PER2: variants seen among roughly 807,000 people sequenced by gnomAD.
The protein encoded by PER2 is period circadian protein homolog 2.
Under a neutral mutation model 121.0 loss-of-function variants are expected in PER2, and 66 were observed. The ratio of observed to expected loss-of-function variants is 0.55; its 90% CI spans 0.45 to 0.67. The LOEUF is 0.67. Among genes scored for constraint, PER2 ranks in the 30% least tolerant of loss-of-function variants. The pLI is 0.00. For missense variants in PER2, 1,521 were observed against 1,635.0 expected (o/e 0.93, Z 1.20); for synonymous variants, 684 against 659.9 (o/e 1.04, Z -0.56).
At chr2:238,262,583 AG>A (rs1695968505) in intron 10 of PER2, among the ~76,000 whole-genome samples, 1 of 152,094 alleles carries the variant, frequency 6.6e-6, no homozygotes, top group African/African-American at 2.4e-5. Context: ...TGCATCTATG[AG>A]GGCTGGGCTT....
At chr2:238,254,110 T>C in intron 18 of PER2, 2 of 258,266 alleles carry the variant, frequency 7.7e-6, no homozygotes, top group South Asian at 4.4e-5. Context: ...GCCACTGACC[T>C]CCTCTATTTT....
At chr2:238,274,667 A>AG (rs1301523173) in intron 4 of PER2, among the ~76,000 whole-genome samples, 1 of 152,168 alleles carries the variant, frequency 6.6e-6, no homozygotes, top group Non-Finnish European at 1.5e-5. Flanking sequence ...CTTCCGGAAA[A>AG]GGGGGCCTCC....
the PER2 span, among the ~76,000 whole-genome samples, chr2:238,296,083 T>TGTGACCACGGACACGGGCAGA: frequency 7.0e-5 from 4 of 57,176 alleles, no homozygotes. Flanking sequence ...TCGTGTGCCC[T>TGTGACCACGGACACGGGCAGA]CCTGCTGCAG....
intron 12 of PER2, chr2:238,261,371 A>G: frequency 2.5e-6 from 1 of 394,312 alleles, no homozygotes; most frequent in Non-Finnish European, 4.7e-6. Flanking sequence ...CCTTGAGTAC[A>G]ATGTCCCTCC....
At chr2:238,249,262 T>G in intron 21 of PER2, 50 bp from the exon 22 acceptor site, 1 of 1,537,334 alleles carries the variant, frequency 6.5e-7, no homozygotes, top group Non-Finnish European at 8.9e-7. Context: ...CTTAAGGGTA[T>G]CTATTTTTAT....
rs114274327 is a variant in PER2, at chr2:238,265,075, G to C, written c.1046+437C>G. 5.5e-3 allele frequency among the ~76,000 whole-genome samples: 832 copies of C among 152,298 alleles called. 12 individuals carry two copies. The highest frequency in any genetic ancestry group is 0.019 in the African/African-American group (788 of 41,558). ...GTTCGCACCTGCTACAGCACCCTGA[G>C]GGGGAGACCCAGAGAGAGGGACCCA... On this transcript the variant is annotated intron_variant, in intron 9 of 22. Transcript: ENST00000254657.
Position 238,253,305 on chromosome 2 carries a change from GAATGCCATGACAGGCGCC to G in PER2, c.2700_2717del (p.Leu900_Ala905del). The G allele has an allele frequency of 4.3e-6, 7 of 1,613,640 alleles. No individual in the cohort carries two copies. Among genetic ancestry groups the G allele is most frequent in the Non-Finnish European group, 5.9e-6 (7 of 1,179,744 alleles). On this transcript the variant is annotated inframe_deletion, in exon 19 of 23. Coordinates refer to ENST00000254657, the MANE Select transcript of PER2 (RefSeq NM_022817.3). The surrounding 1 kb of genome is among the most constrained non-coding windows in gnomAD (Gnocchi z 5.6). The stretch of plus-strand genomic sequence containing the variant: ...AGGGGAAGGAATAACTGGGTAGCAT[GAATGCCATGACAGGCGCC>G]AAAGGGGCAGGGAAAGGTGGGGGCT...
Position 238,258,556 on chromosome 2 carries a change from G to A in PER2, c.1716C>T (p.Ala572=), listed in dbSNP as rs779372471. ...AGGAGCAGGTGGGCTGGTTCTTGCAGGCCAACTCCTCGGGGAAGCTGACCC... is the reference window on the plus strand; with the variant it reads ...AGGAGCAGGTGGGCTGGTTCTTGCAAGCCAACTCCTCGGGGAAGCTGACCC... ...SLGVSFPEEL[A]CKNQPTCSYQ... The change falls in exon 15 of 23, where the codon GCC becomes GCT. Residue 572 remains alanine, a synonymous_variant. Coordinates refer to ENST00000254657, the MANE Select transcript of PER2 (RefSeq NM_022817.3). The A allele has an allele frequency of 1.2e-6, 2 of 1,614,194 alleles. No homozygotes were observed. Among genetic ancestry groups the A allele is most frequent in the Non-Finnish European group, 1.7e-6 (2 of 1,180,020 alleles).
At chr2:238,259,612 G>A (rs1348333362) in intron 14 of PER2, among the ~76,000 whole-genome samples, 1 of 152,238 alleles carries the variant, frequency 6.6e-6, no homozygotes, top group African/African-American at 2.4e-5. Context: ...CAGCTACTCT[G>A]TACAGCAAGA....
At position 238,251,635 on chromosome 2, in the gene PER2, C is replaced by A. The variant is rs760322454; in HGVS notation, c.3238G>T (p.Gly1080Cys). The part of the protein sequence containing the change: ...GSAASESLGS[G>C]SLGCDASPSG... ...GGGGAGGCGTCGCAGCCCAGTGAGC[C>A]GGAGCCCAGAGACTCCGAAGCAGCA... Residue 1080 changes from glycine to cysteine, a missense_variant, in exon 20 of 23, where the codon GGC becomes TGC. Transcript: ENST00000254657. 6.2e-7 allele frequency: 1 copy of A among 1,614,098 alleles called. No individual in the cohort carries two copies. Among genetic ancestry groups the A allele is most frequent in the Non-Finnish European group, 8.5e-7 (1 of 1,180,046 alleles).
intron 1 of PER2, among the ~76,000 whole-genome samples, chr2:238,278,637 G>T (rs1388494076): frequency 6.6e-6 from 1 of 152,178 alleles, no homozygotes; most frequent in Non-Finnish European, 1.5e-5. Flanking sequence ...ATGGTGGGGT[G>T]GGGGAGCCGG....
intron 6 of PER2, among the ~76,000 whole-genome samples, chr2:238,269,482 ACGG>A (rs1696218001): frequency 7.4e-6 from 1 of 134,684 alleles, no homozygotes; most frequent in Non-Finnish European, 1.5e-5. Context: ...GAACACACTC[ACGG>A]TGCACTGCTG....
intron 20 of PER2, 126 bp from the exon 21 acceptor site, chr2:238,250,869 T>G (rs1559321835): frequency 2.9e-6 from 2 of 693,162 alleles, no homozygotes; most frequent in Non-Finnish European, 5.2e-6. Context: ...TGGGTATCTA[T>G]GCCGGTGCAT....
chr2:238,298,117 C>T, the PER2 span, among the ~76,000 whole-genome samples: 1 of 150,378 alleles, frequency 6.6e-6, no homozygotes, highest in Admixed American at 6.7e-5. Context: ...TCACTGCAAG[C>T]TCCGCCTCCC....
chr2:238,295,284 T>G, the PER2 span: 1 of 113,574 alleles, frequency 8.8e-6, no homozygotes. Context: ...TTCTCCTTCT[T>G]CTTCTTCTTT....
In PER2 at chr2:238,252,965, C is replaced by T. The variant is rs1365205828; in HGVS notation, c.3058G>A (p.Ala1020Thr). The T allele has an allele frequency of 1.2e-6, 2 of 1,613,966 alleles. No homozygotes were observed. The highest frequency in any genetic ancestry group is 1.7e-5 in the Admixed American group (1 of 60,018). Residue 1020 changes from alanine (A) to threonine (T), a missense_variant, in exon 19 of 23, where the codon GCG (alanine) becomes ACG (threonine). By Grantham distance (58) the Ala-to-Thr change is moderately conservative (BLOSUM62 0). Transcript: ENST00000254657. This position sits in a 1 kb window ranked among gnomAD's most constrained non-coding sequence, Gnocchi z 4.2. ...CGAGAAGTGCCAGGTTTGCAGTCCG[C>T]CCCTACAGCTGCTGTCTCTGTGGCC... Reference protein sequence around the residue: ...TGATETAAVGADCKPGTSRDQ... With the variant: ...TGATETAAVGTDCKPGTSRDQ...
At chr2:238,262,884 G>C (rs1209101988) in intron 10 of PER2, 68 bp downstream of exon 10, 1 of 1,093,454 alleles carries the variant, frequency 9.1e-7, no homozygotes, top group East Asian at 2.4e-5. Context: ...CTGGTCCCAA[G>C]AAGCAGCCCC....
chr2:238,280,916 A>C (rs1696610305), intron 1 of PER2, among the ~76,000 whole-genome samples: 1 of 152,190 alleles, frequency 6.6e-6, no homozygotes, highest in Non-Finnish European at 1.5e-5. Flanking sequence ...ACAGAGAACA[A>C]ACAAGTTACC....
chr2:238,253,634 A>G lies in PER2; in HGVS notation c.2389T>C (p.Leu797=). 2 of 1,609,478 alleles carry G rather than the reference A, an allele frequency of 1.2e-6. No homozygotes were observed. The highest frequency in any genetic ancestry group is 1.1e-5 in the South Asian group (1 of 90,460). ...PWKKTGKNRK[L]KSKRVKPRDS... Reference sequence around the variant, plus strand: ...CGAGGTTTGACCCGCTTGGACTTCAATTTTCTGTTCTTTCCTGTTTTTTTC... The same window carrying G: ...CGAGGTTTGACCCGCTTGGACTTCAGTTTTCTGTTCTTTCCTGTTTTTTTC... Residue 797 remains leucine (L), a synonymous_variant, in exon 19 of 23, where the codon TTG becomes CTG. Coordinates refer to ENST00000254657, the MANE Select transcript of PER2 (RefSeq NM_022817.3). The surrounding 1 kb of genome is among the most constrained non-coding windows in gnomAD (Gnocchi z 5.6).
Sources: gnomAD v4.1 joint callset for allele counts (sites outside exome capture counted in the v4.1 genomes callset) on GRCh38, gnomAD v4.1.1 for gene constraint, Gnocchi (gnomAD v3.1) non-coding constraint, MANE v1.5 for transcripts, NCBI Gene and HGNC (gene_info 2026-07-23, HGNC 2026-07-21) for gene names.